Variants in MKLN1 observed in about 807,000 individuals in gnomAD.
MKLN1 encodes muskelin 1, also known as muskelin.
A neutral mutation model predicts 99.0 loss-of-function variants in MKLN1; 18 were observed. The ratio of observed to expected loss-of-function variants is 0.18; its 90% CI spans 0.13 to 0.27. The LOEUF is 0.27. Ranked by LOEUF, MKLN1 falls within the 10% of genes least tolerant of loss-of-function variation. The pLI is 1.00. For missense variants in MKLN1, 621 were observed against 875.9 expected, an observed-to-expected ratio of 0.71 and a Z score of 3.67; for synonymous variants, 288 against 293.2, an observed-to-expected ratio of 0.98 and a Z score of 0.18.
intron 16 of MKLN1, 133 bp from the exon 17 acceptor site, chr7:131,478,490 T>C (rs1380121164): frequency 1.2e-6 from 1 of 801,122 alleles, no homozygotes; most frequent in African/African-American, 1.8e-5. Flanking sequence ...ATTTGGTGAA[T>C]AGACCTATGT....
At chr7:131,427,268 T>C (rs1795384460) in intron 8 of MKLN1, among the ~76,000 whole-genome samples, 1 of 152,226 alleles carries the variant, frequency 6.6e-6, no homozygotes, top group South Asian at 2.1e-4. Context: ...ACAGAAATCT[T>C]GTAGAAGATA....
At chr7:131,179,423 T>A (rs372059964) in intron 2 of MKLN1, among the ~76,000 whole-genome samples, 1 of 152,172 alleles carries the variant, frequency 6.6e-6, no homozygotes, top group African/African-American at 2.4e-5. Context: ...ATGATGAGTA[T>A]TCATCCATAC....
chr7:131,203,752 C>T (rs1168342979), intron 3 of MKLN1, among the ~76,000 whole-genome samples: 2 of 152,152 alleles, frequency 1.3e-5, no homozygotes, highest in Non-Finnish European at 2.9e-5. Context: ...GTCGGCTTCT[C>T]ATAGCCTTTC....
At chr7:131,244,787 C>A (rs1042175182) in intron 3 of MKLN1, among the ~76,000 whole-genome samples, 1 of 152,102 alleles carries the variant, frequency 6.6e-6, no homozygotes, top group Non-Finnish European at 1.5e-5. Flanking sequence ...TTGGCCCCTT[C>A]TTTCCTCTTT....
At chr7:131,308,338 T>G (rs1371899410) in intron 3 of MKLN1, among the ~76,000 whole-genome samples, 1 of 149,962 alleles carries the variant, frequency 6.7e-6, no homozygotes, top group Non-Finnish European at 1.5e-5. Context: ...TTTGGCTCAC[T>G]GCAACCTCCA....
chr7:131,399,443 T>G lies in MKLN1; in HGVS notation c.703+10T>G. 6.2e-7 allele frequency: 1 copy of G among 1,610,566 alleles called. No homozygotes were observed. Among genetic ancestry groups the G allele is most frequent in the South Asian group, 1.1e-5 (1 of 90,830 alleles). ...GAAAAGGCTGTAAATGGTATGAAAC[T>G]TAGATTGGTTATTAGGGTAAATTCA... On this transcript the variant is annotated intron_variant, in intron 6 of 17. Coordinates refer to ENST00000352689, the MANE Select transcript of MKLN1 (RefSeq NM_013255.5).
chr7:131,197,668 C>A (rs1222043063), intron 2 of MKLN1, among the ~76,000 whole-genome samples: 1 of 151,884 alleles, frequency 6.6e-6, no homozygotes, highest in African/African-American at 2.4e-5. Context: ...AATCATCCAG[C>A]CTGACCTTGA....
At chr7:131,120,471 C>A (rs1352771376) in intron 1 of MKLN1, among the ~76,000 whole-genome samples, 1 of 141,338 alleles carries the variant, frequency 7.1e-6, no homozygotes, top group Non-Finnish European at 1.5e-5. Context: ...ATGGCGTGAA[C>A]CCAGGAGGCA....
At chr7:131,204,603 G>A (rs193069366) in intron 3 of MKLN1, among the ~76,000 whole-genome samples, 293 of 149,610 alleles carry the variant, frequency 2.0e-3, no homozygotes, top group African/African-American at 6.6e-3. Context: ...AGGCTGAGGC[G>A]GGCAGATCAC....
At chr7:131,425,789 T>C (rs1795342203) in intron 8 of MKLN1, among the ~76,000 whole-genome samples, 1 of 152,192 alleles carries the variant, frequency 6.6e-6, no homozygotes, top group South Asian at 2.1e-4. Flanking sequence ...ACTACCCTAC[T>C]GCAAATATTA....
intron 9 of MKLN1, among the ~76,000 whole-genome samples, chr7:131,429,761 T>G (rs1314622651): frequency 6.6e-6 from 1 of 152,156 alleles, no homozygotes; most frequent in Admixed American, 6.5e-5. Flanking sequence ...TTTTGTATTT[T>G]AGTAGAGACG....
Position 131,168,895 on chromosome 7 carries a change from T to C in MKLN1, c.-297+25954T>C, listed in dbSNP as rs146707315. 6.7e-3 allele frequency among the ~76,000 whole-genome samples: 991 copies of C among 148,600 alleles called. 15 individuals are homozygous for C. Among genetic ancestry groups the C allele is most frequent in the African/African-American group, 0.023 (930 of 40,322 alleles). On this transcript the variant is annotated intron_variant, in intron 2 of 7. Coordinates refer to the MKLN1 transcript ENST00000416992. ...TTTTTTTTTTTTTTTTGAGATAGCA[T>C]CTAGCTCTTCCACCTAGGCTGGAGG...
At chr7:131,392,014 G>C (rs1794209587) in intron 4 of MKLN1, among the ~76,000 whole-genome samples, 1 of 152,140 alleles carries the variant, frequency 6.6e-6, no homozygotes, top group Non-Finnish European at 1.5e-5. Context: ...TATTAATTGG[G>C]AGACTGGATT....
chr7:131,378,692 T>C (rs1793742301), intron 2 of MKLN1, among the ~76,000 whole-genome samples: 1 of 151,982 alleles, frequency 6.6e-6, no homozygotes, highest in African/African-American at 2.4e-5. Context: ...TAGTCGGGCA[T>C]GGTAGCGTGT....
chr7:131,146,070 G>C (rs370186747), intron 2 of MKLN1, among the ~76,000 whole-genome samples: 16 of 152,218 alleles, frequency 1.1e-4, no homozygotes, highest in African/African-American at 3.4e-4. Flanking sequence ...TTACAGATGA[G>C]AAAGTGAGGC....
At chr7:131,133,676 T>C (rs1459950336) in intron 1 of MKLN1, among the ~76,000 whole-genome samples, 2 of 151,372 alleles carry the variant, frequency 1.3e-5, no homozygotes, top group Non-Finnish European at 3.0e-5. Context: ...TTTTTATAGA[T>C]GGGGTCTCAC....
chr7:131,387,315 A>G, intron 3 of MKLN1, 53 bp downstream of exon 3: 1 of 1,515,546 alleles, frequency 6.6e-7, no homozygotes, highest in Non-Finnish European at 8.9e-7. Flanking sequence ...ACGTAGTCTT[A>G]GTCTTTTTGT....
chr7:131,198,188 G>T (rs1796677066), intron 2 of MKLN1, among the ~76,000 whole-genome samples: 2 of 152,214 alleles, frequency 1.3e-5, no homozygotes, highest in South Asian at 4.1e-4. Flanking sequence ...CCACAGTGTT[G>T]TCCAAGTCTA....
At chr7:131,195,114 C>T (rs1796622045) in intron 2 of MKLN1, among the ~76,000 whole-genome samples, 1 of 152,118 alleles carries the variant, frequency 6.6e-6, no homozygotes, top group South Asian at 2.1e-4. Context: ...TACCTACAAA[C>T]CTGGTGCTAT....
Sources: allele counts gnomAD v4.1 joint callset (sites outside exome capture counted in the v4.1 genomes callset), GRCh38; gene constraint gnomAD v4.1.1; transcripts MANE v1.5; gene names NCBI Gene and HGNC (gene_info 2026-07-23, HGNC 2026-07-21).